Variants in DORIP1 observed in about 807,000 individuals in gnomAD.
The protein encoded by DORIP1 is dopamine receptor-interacting protein 1.
At chr14:44,897,703 C>A in the DORIP1 span, 2 of 152,452 alleles carry the variant, frequency 1.3e-5, no homozygotes, top group Non-Finnish European at 2.9e-5. Flanking sequence ...CGGGGGCGCC[C>A]AGCCGACTCG....
At chr14:44,904,129 T>G in the DORIP1 span, 1 of 985,348 alleles carries the variant, frequency 1.0e-6, no homozygotes, top group Non-Finnish European at 1.2e-6. Context: ...TCTGCAGAGT[T>G]ATGCTTTCAT....
chr14:44,898,042 T>C, the DORIP1 span, among the ~76,000 whole-genome samples: 1 of 152,160 alleles, frequency 6.6e-6, no homozygotes, highest in Non-Finnish European at 1.5e-5. Flanking sequence ...GAAAGAAAGA[T>C]GTTTTGTCAA....
At chr14:44,901,758 T>C in the DORIP1 span, among the ~76,000 whole-genome samples, 6 of 152,188 alleles carry the variant, frequency 3.9e-5, no homozygotes, top group Non-Finnish European at 7.3e-5. Context: ...AACCCAGAAC[T>C]TGGCATCTCA....
At chr14:44,903,612 A>C in the DORIP1 span, 1 of 1,010,724 alleles carries the variant, frequency 9.9e-7, no homozygotes, top group South Asian at 4.6e-5. Context: ...TAGGAGAAAG[A>C]GGTAAATGAC....
At chr14:44,898,314 C>G in the DORIP1 span, among the ~76,000 whole-genome samples, 6,260 of 152,178 alleles carry the variant, frequency 0.041, 188 homozygotes, top group South Asian at 0.071. Context: ...CAAACCTTCC[C>G]TCCTCCCGTT....
the DORIP1 span, chr14:44,905,394 TAACA>T: frequency 6.5e-7 from 1 of 1,540,986 alleles, no homozygotes; most frequent in African/African-American, 1.4e-5. Context: ...CCACATTATT[TAACA>T]AAGAGGAACA....
the DORIP1 span, chr14:44,897,357 T>C: frequency 6.4e-6 from 1 of 157,064 alleles, no homozygotes; most frequent in African/African-American, 2.4e-5. Context: ...AGATTGGGCC[T>C]GGGCGCTGGA....
the DORIP1 span, chr14:44,903,336 T>G: frequency 5.9e-5 from 93 of 1,569,556 alleles, no homozygotes; most frequent in Non-Finnish European, 8.0e-5. Flanking sequence ...AGTATGTATG[T>G]GTTTATAAGG....
the DORIP1 span, among the ~76,000 whole-genome samples, chr14:44,902,600 G>A: frequency 6.6e-6 from 1 of 151,926 alleles, no homozygotes; most frequent in Non-Finnish European, 1.5e-5. Context: ...GATTACAGGC[G>A]TGAGCCACCA....
chr14:44,900,573 A>G, the DORIP1 span: 1 of 1,611,348 alleles, frequency 6.2e-7, no homozygotes, highest in Non-Finnish European at 8.5e-7. Context: ...CCTGTACACC[A>G]CTCTATGTTG....
chr14:44,904,120 C>G, the DORIP1 span: 2 of 985,210 alleles, frequency 2.0e-6, no homozygotes, highest in African/African-American at 3.5e-5. Flanking sequence ...TGTATCAGTT[C>G]TGCAGAGTTA....
chr14:44,898,395 T>C, the DORIP1 span, among the ~76,000 whole-genome samples: 1 of 152,158 alleles, frequency 6.6e-6, no homozygotes, highest in Admixed American at 6.5e-5. Flanking sequence ...AGTGTAAGGG[T>C]AGTTACACTT....
At chr14:44,900,459 C>T in the DORIP1 span, 11 of 1,541,008 alleles carry the variant, frequency 7.1e-6, no homozygotes, top group African/African-American at 1.4e-5. Context: ...TTGAAGAGAT[C>T]AAAGCATCAA....
chr14:44,902,010 G>A, the DORIP1 span, among the ~76,000 whole-genome samples: 5 of 152,166 alleles, frequency 3.3e-5, no homozygotes, highest in African/African-American at 1.2e-4. Flanking sequence ...TTGGCAGAAA[G>A]GTATTTGGCC....
the DORIP1 span, chr14:44,903,719 A>C: frequency 1.0e-6 from 1 of 964,468 alleles, no homozygotes; most frequent in Non-Finnish European, 1.2e-6. Flanking sequence ...TATAATGAGA[A>C]TTAATATTTA....
chr14:44,899,956 C>T, the DORIP1 span, among the ~76,000 whole-genome samples: 2 of 151,568 alleles, frequency 1.3e-5, no homozygotes, highest in Non-Finnish European at 2.9e-5. Context: ...CTCAGCCTCC[C>T]GAGTAGCTGG....
the DORIP1 span, chr14:44,903,557 A>G: frequency 9.3e-7 from 1 of 1,069,570 alleles, no homozygotes; most frequent in Non-Finnish European, 1.1e-6. Flanking sequence ...GAACCCAGCT[A>G]ATTGGGACCC....
At chr14:44,899,210 A>C in the DORIP1 span, 1 of 152,236 alleles carries the variant, frequency 6.6e-6, no homozygotes, top group Non-Finnish European at 1.5e-5. Flanking sequence ...ATAACACAAC[A>C]TATTTATTAA....
chr14:44,900,674 T>G, the DORIP1 span: 27 of 1,612,016 alleles, frequency 1.7e-5, no homozygotes, highest in Non-Finnish European at 7.6e-6. Flanking sequence ...CCTAGGGAAC[T>G]CTCTCTTCAT....
Sources: gnomAD v4.1 joint callset for allele counts (sites outside exome capture counted in the v4.1 genomes callset) on GRCh38, gnomAD v4.1.1 for gene constraint, MANE v1.5 for transcripts, NCBI Gene and HGNC (gene_info 2026-07-23, HGNC 2026-07-21) for gene names.